The following LRRTM4 variants were observed in gnomAD, a reference collection of about 807,000 sequenced individuals.
The protein encoded by LRRTM4 is leucine rich repeat transmembrane neuronal 4.
In LRRTM4, 25 loss-of-function variants were observed where a neutral mutation model predicts 47.6. The ratio of observed to expected loss-of-function variants is 0.53; its 90% CI spans 0.38 to 0.73. LRRTM4 has a LOEUF of 0.73. LRRTM4 is among the 30% of genes least tolerant of loss of function. The probability of loss-of-function intolerance (pLI) is 0.00; values close to 1 mark genes in which losing one functional copy is unlikely to be tolerated. For synonymous variants in LRRTM4, 311 were observed against 269.5 expected, an observed-to-expected ratio of 1.15 and a Z score of -1.51; for missense variants, 638 against 713.4, an observed-to-expected ratio of 0.89 and a Z score of 1.20.
At chr2:77,314,247 A>G (rs574760857) in intron 3 of LRRTM4, among the ~76,000 whole-genome samples, 66 of 152,176 alleles carry the variant, frequency 4.3e-4, no homozygotes, top group African/African-American at 1.4e-3. Flanking sequence ...CTGTAGGTAC[A>G]TTTTTCTTGG....
chr2:77,209,414 T>A (rs1353936982), intron 3 of LRRTM4, among the ~76,000 whole-genome samples: 2 of 150,990 alleles, frequency 1.3e-5, no homozygotes, highest in African/African-American at 4.9e-5. Context: ...TGTGTTTGAG[T>A]GGCTTTTGTA....
intron 3 of LRRTM4, among the ~76,000 whole-genome samples, chr2:77,486,648 T>C (rs569884106): frequency 2.6e-5 from 4 of 152,310 alleles, no homozygotes; most frequent in African/African-American, 9.6e-5. Context: ...ATGCACAGAA[T>C]GTAAAATGTA....
chr2:77,457,259 G>C (rs1026982295), intron 3 of LRRTM4, among the ~76,000 whole-genome samples: 2 of 151,616 alleles, frequency 1.3e-5, no homozygotes, highest in African/African-American at 4.8e-5. Flanking sequence ...TACAAAATCT[G>C]TTTTTCTCTC....
intron 3 of LRRTM4, among the ~76,000 whole-genome samples, chr2:77,204,713 T>C (rs1316651904): frequency 6.6e-6 from 1 of 152,196 alleles, no homozygotes; most frequent in African/African-American, 2.4e-5. Context: ...GTGGTCTGTA[T>C]ATATTAGTAA....
At chr2:77,504,928 G>T (rs1280560946) in intron 3 of LRRTM4, among the ~76,000 whole-genome samples, 1 of 151,226 alleles carries the variant, frequency 6.6e-6, no homozygotes, top group Non-Finnish European at 1.5e-5. Flanking sequence ...TCTCAGCATT[G>T]CATCCAAAAG....
chr2:77,338,854 G>A (rs1385801582), intron 3 of LRRTM4, among the ~76,000 whole-genome samples: 2 of 152,012 alleles, frequency 1.3e-5, no homozygotes, highest in Non-Finnish European at 2.9e-5. Flanking sequence ...CAACCTAAGT[G>A]TCTATCAATG....
chr2:76,907,988 T>A (rs925784895), intron 3 of LRRTM4, among the ~76,000 whole-genome samples: 5 of 151,808 alleles, frequency 3.3e-5, no homozygotes, highest in Non-Finnish European at 7.4e-5. Flanking sequence ...CCCTAACTCA[T>A]TTTATGAGGC....
At chr2:77,426,830 T>C (rs145043716) in intron 3 of LRRTM4, among the ~76,000 whole-genome samples, 2 of 128,320 alleles carry the variant, frequency 1.6e-5, no homozygotes, top group East Asian at 4.5e-4. Flanking sequence ...CACACACACA[T>C]GCACACACAC....
intron 3 of LRRTM4, among the ~76,000 whole-genome samples, chr2:77,011,157 GAA>G (rs1409230073): frequency 1.3e-5 from 2 of 151,918 alleles, no homozygotes; most frequent in African/African-American, 4.8e-5. Context: ...TTAGTAAAAA[GAA>G]AGAGATAAAA....
chr2:76,922,050 G>A (rs547486040), intron 3 of LRRTM4, among the ~76,000 whole-genome samples: 10 of 152,086 alleles, frequency 6.6e-5, no homozygotes, highest in African/African-American at 1.4e-4. Flanking sequence ...ATACATAAAC[G>A]CAATATCATT....
chr2:77,071,892 T>C (rs1278520796), intron 3 of LRRTM4, among the ~76,000 whole-genome samples: 1 of 152,180 alleles, frequency 6.6e-6, no homozygotes, highest in Non-Finnish European at 1.5e-5. Flanking sequence ...TTCATCTACA[T>C]ACCACCTCCA....
intron 3 of LRRTM4, among the ~76,000 whole-genome samples, chr2:76,778,954 T>C (rs1202688722): frequency 2.0e-5 from 3 of 150,976 alleles, no homozygotes; most frequent in Non-Finnish European, 2.9e-5. Flanking sequence ...GATTCTGGTA[T>C]GTTGTGTCTT....
At chr2:77,465,331 G>A (rs1007327820) in intron 3 of LRRTM4, among the ~76,000 whole-genome samples, 2 of 152,048 alleles carry the variant, frequency 1.3e-5, no homozygotes, top group Admixed American at 6.6e-5. Flanking sequence ...TTCACAAAAC[G>A]AACATAATAT....
At chr2:77,388,584 ATTTAT>A (rs1673379154) in intron 3 of LRRTM4, among the ~76,000 whole-genome samples, 2 of 152,076 alleles carry the variant, frequency 1.3e-5, no homozygotes, top group Non-Finnish European at 2.9e-5. Flanking sequence ...TTTATGAAGT[ATTTAT>A]TTTGATTACC....
chr2:77,205,415 G>A (rs1051427311), intron 3 of LRRTM4, among the ~76,000 whole-genome samples: 5 of 152,156 alleles, frequency 3.3e-5, no homozygotes, highest in Non-Finnish European at 7.4e-5. Context: ...TAGATGGCCT[G>A]AGGACATGGC....
intron 3 of LRRTM4, among the ~76,000 whole-genome samples, chr2:77,251,780 G>A (rs566096174): frequency 4.5e-4 from 68 of 152,202 alleles, no homozygotes; most frequent in African/African-American, 1.6e-3. Context: ...ATGGCTGCAT[G>A]GGGTTCTAGT....
At chr2:77,132,420 A>G (rs1334096574) in intron 3 of LRRTM4, among the ~76,000 whole-genome samples, 1 of 152,136 alleles carries the variant, frequency 6.6e-6, no homozygotes, top group Non-Finnish European at 1.5e-5. Flanking sequence ...TTGGTTCCAT[A>G]TTTTTGCCAT....
At chr2:77,485,206 G>A (rs536563574) in intron 3 of LRRTM4, among the ~76,000 whole-genome samples, 8 of 152,114 alleles carry the variant, frequency 5.3e-5, no homozygotes, top group Non-Finnish European at 1.0e-4. Flanking sequence ...AAATTCAAAT[G>A]TGGAGAATAG....
At chr2:77,489,611 A>T (rs1678059390) in intron 3 of LRRTM4, among the ~76,000 whole-genome samples, 2 of 152,226 alleles carry the variant, frequency 1.3e-5, no homozygotes, top group African/African-American at 4.8e-5. Context: ...TAATTATTTT[A>T]GTCAGCCTTG....
Sources: allele counts gnomAD v4.1 joint callset (sites outside exome capture counted in the v4.1 genomes callset), GRCh38; gene constraint gnomAD v4.1.1; transcripts MANE v1.5; gene names NCBI Gene and HGNC (gene_info 2026-07-23, HGNC 2026-07-21).